PHEX: variants seen among roughly 807,000 people sequenced by gnomAD.
PHEX encodes the protein phosphate-regulating neutral endopeptidase PHEX.
PHEX carries 16 observed loss-of-function variants against 68.0 expected under a neutral mutation model. The ratio of observed to expected loss-of-function variants is 0.24; its 90% CI spans 0.16 to 0.36. The LOEUF (loss-of-function observed/expected upper bound fraction) is 0.36, where lower values mean the gene tolerates loss of function less well. Ranked by LOEUF, PHEX falls within the 10% of genes least tolerant of loss-of-function variation. The pLI, the probability that PHEX is intolerant of heterozygous loss-of-function variation, is 1.00. For synonymous variants in PHEX, 208 were observed against 205.1 expected (o/e 1.01, Z -0.12); for missense variants, 480 against 575.5 (o/e 0.83, Z 1.70).
intron 3 of PHEX, among the ~76,000 whole-genome samples, chrX:22,054,617 T>G (rs780460068): frequency 9.0e-6 from 1 of 111,390 alleles, no homozygotes; most frequent in East Asian, 2.8e-4. Flanking sequence ...AAGATTCCCA[T>G]TTTTCTCAGA....
intron 11 of PHEX, among the ~76,000 whole-genome samples, chrX:22,119,339 C>A (rs1366916816): frequency 9.0e-6 from 1 of 111,346 alleles, no homozygotes; most frequent in Non-Finnish European, 1.9e-5. Flanking sequence ...TAAAACATTC[C>A]ATTAGCTAAG....
At chrX:22,112,037 A>G (rs1359551723) in intron 10 of PHEX, among the ~76,000 whole-genome samples, 1 of 112,310 alleles carries the variant, frequency 8.9e-6, no homozygotes, top group African/African-American at 3.2e-5. Flanking sequence ...AACTTTGCCT[A>G]TACCTTCCAT....
intron 15 of PHEX, among the ~76,000 whole-genome samples, chrX:22,209,788 T>TC (rs1934850800): frequency 1.1e-5 from 1 of 88,068 alleles, no homozygotes; most frequent in Admixed American, 1.2e-4. Context: ...CTCCTCCCTC[T>TC]CTCTCTCCCT....
At chrX:22,056,340 A>AT (rs963539951) in intron 3 of PHEX, among the ~76,000 whole-genome samples, 2 of 107,689 alleles carry the variant, frequency 1.9e-5, no homozygotes, top group South Asian at 4.0e-4. Flanking sequence ...TAAGGATCAC[A>AT]TTTTTTTTTT....
chrX:22,077,615 A>G lies in PHEX; in HGVS notation c.576A>G (p.Ala192=). The stretch of plus-strand genomic sequence containing the variant: ...AGTTCAGCCTTCTGCAGACACTTGC[A>G]ACGTTTCGTGGTCAATACAGCAATT... ...ERKFSLLQTL[A]TFRGQYSNSV... is the part of the protein sequence containing the mutation. The change falls in exon 5 of 22, where the codon GCA becomes GCG. Residue 192 remains alanine (A), a synonymous_variant. Transcript: ENST00000379374. The G allele has an allele frequency of 8.3e-7, 1 of 1,211,009 alleles. No homozygotes were observed. Among genetic ancestry groups the G allele is most frequent in the Non-Finnish European group, 1.1e-6 (1 of 895,013 alleles).
At chrX:22,209,802 C>T (rs1264015745) in intron 15 of PHEX, among the ~76,000 whole-genome samples, 1 of 102,109 alleles carries the variant, frequency 9.8e-6, no homozygotes, top group Admixed American at 1.1e-4. Flanking sequence ...TCTCCCTCTC[C>T]CTCTCCCTCT....
At chrX:22,099,254 C>T (rs916341020) in intron 9 of PHEX, 103 bp downstream of exon 9, 5 of 799,789 alleles carry the variant, frequency 6.3e-6, no homozygotes, top group South Asian at 4.3e-5. Context: ...AAGAATGTTA[C>T]ATCAAAAGAG....
rs373261521 is a variant in PHEX, at chrX:22,099,029, G to A, written c.957G>A (p.Lys319=). ...IPQFDWLGYI[K]KVIDTRLYPH... ...AGTTCGACTGGCTGGGCTACATCAA[G>A]AAGGTCATTGACACCAGACTCTACC... is the stretch of plus-strand genomic sequence containing the variant. Residue 319 remains lysine, a synonymous_variant, in exon 9 of 22, where the codon AAG becomes AAA. Coordinates refer to ENST00000379374, the MANE Select transcript of PHEX (RefSeq NM_000444.6). 223 of 1,206,943 alleles carry A rather than the reference G, an allele frequency of 1.8e-4. No individual in the cohort carries two copies. The highest frequency in any genetic ancestry group is 2.3e-4 in the Non-Finnish European group (207 of 893,654).
intron 5 of PHEX, among the ~76,000 whole-genome samples, chrX:22,083,874 A>C (rs781114476): frequency 5.4e-5 from 6 of 112,088 alleles, no homozygotes; most frequent in Admixed American, 1.9e-4. Flanking sequence ...TATTGCGCTG[A>C]ATAAAAGAGG....
intron 15 of PHEX, among the ~76,000 whole-genome samples, chrX:22,192,229 ATC>A (rs1934221781): frequency 9.0e-6 from 1 of 111,004 alleles, no homozygotes; most frequent in African/African-American, 3.3e-5. Context: ...ATAACATCTA[ATC>A]TCATGGTTTT....
At chrX:22,114,234 G>A (rs1602306839) in intron 10 of PHEX, among the ~76,000 whole-genome samples, 5 of 110,962 alleles carry the variant, frequency 4.5e-5, no homozygotes. Flanking sequence ...ACAGATGTGA[G>A]CCACTTTGAC....
At chrX:22,063,787 T>C (rs1403121164) in intron 3 of PHEX, among the ~76,000 whole-genome samples, 1 of 113,058 alleles carries the variant, frequency 8.8e-6, no homozygotes, top group Admixed American at 9.4e-5. Context: ...TATTGGCTTC[T>C]TTCATTTAAA....
intron 7 of PHEX, among the ~76,000 whole-genome samples, chrX:22,096,404 G>A (rs908461038): frequency 1.8e-5 from 2 of 111,948 alleles, no homozygotes; most frequent in Non-Finnish European, 3.8e-5. Flanking sequence ...GTGTCCAGGC[G>A]GTGACTAAAT....
At chrX:22,239,108 A>G (rs1267711545) in intron 20 of PHEX, among the ~76,000 whole-genome samples, 1 of 112,090 alleles carries the variant, frequency 8.9e-6, no homozygotes, top group African/African-American at 3.2e-5. Context: ...GAGGACCTCC[A>G]GCAAACTCCA....
rs760494553 is a variant in PHEX at position 22,227,421 on chromosome X, A to C, written c.1966-86A>C. On this transcript the variant is annotated intron_variant, in intron 19 of 21. Transcript: ENST00000379374. ...CATGATGCATTTTGCACGTGGCAGG[A>C]GTATATATTTGCTATTCCTGTGCTA... 3 of 618,258 alleles carry C rather than the reference A, an allele frequency of 4.9e-6. No homozygotes were observed. The East Asian group carries it at 9.9e-5, about 20-fold the overall frequency. The allele number at this position is 618,258 out of a possible 1,213,427, so 51.0% of individuals were successfully genotyped here.
intron 3 of PHEX, among the ~76,000 whole-genome samples, chrX:22,057,680 C>T (rs190933312): frequency 9.0e-6 from 1 of 111,388 alleles, no homozygotes; most frequent in East Asian, 2.8e-4. Context: ...GAAATGATGT[C>T]ATTTGTGTAC....
At chrX:22,056,642 A>T (rs1472208499) in intron 3 of PHEX, among the ~76,000 whole-genome samples, 2 of 109,655 alleles carry the variant, frequency 1.8e-5, no homozygotes, top group East Asian at 5.7e-4. Context: ...CTCTACTAAA[A>T]ATACAAAAGT....
At chrX:22,050,573 G>GA (rs5901695) in intron 3 of PHEX, among the ~76,000 whole-genome samples, 12,137 of 49,436 alleles carry the variant, frequency 0.25, 1,121 homozygotes, top group Admixed American at 0.36. Flanking sequence ...TTCATCTCAG[G>GA]AAAAAAAAAA....
At chrX:22,118,784 T>C (rs111625067) in intron 11 of PHEX, among the ~76,000 whole-genome samples, 2,396 of 111,677 alleles carry the variant, frequency 0.021, 62 homozygotes, top group African/African-American at 0.073. Context: ...TAAGACTTCC[T>C]ACATCCAACT....
Sources: allele counts gnomAD v4.1 joint callset (sites outside exome capture counted in the v4.1 genomes callset), GRCh38; gene constraint gnomAD v4.1.1; transcripts MANE v1.5; gene names NCBI Gene and HGNC (gene_info 2026-07-23, HGNC 2026-07-21).